Variants in WNT6 observed in about 807,000 individuals in gnomAD.
WNT6 encodes protein Wnt-6.
In WNT6, 27 loss-of-function variants were observed where a neutral mutation model predicts 33.1. That is an observed-to-expected ratio of 0.82 (90% CI 0.60 to 1.12). WNT6 has a LOEUF of 1.12. Ranked by LOEUF, WNT6 falls within the 50% of genes most tolerant of loss-of-function variation. The probability of loss-of-function intolerance (pLI) is 0.00; values close to 1 mark genes in which losing one functional copy is unlikely to be tolerated. For missense variants in WNT6, 494 were observed against 535.3 expected (o/e 0.92, Z 0.76); for synonymous variants, 249 against 242.8 (o/e 1.03, Z -0.24).
Position 218,859,897 on chromosome 2 carries a change from CCCCGCCGCCGCCGGATCCCTCGCCT to C in WNT6, c.-136_-112del. On this transcript the variant is annotated 5_prime_UTR_variant, in exon 1 of 4. The change abolishes the stop of an existing upstream ORF in the 5' untranslated region. Coordinates refer to ENST00000233948, the MANE Select transcript of WNT6 (RefSeq NM_006522.4). The stretch of plus-strand genomic sequence containing the variant: ...CGCCCTCCTCGCCCGGGATGGGCCC[CCCCGCCGCCGCCGGATCCCTCGCCT>C]CCCGGCCGCCGCCGTTGCGCTCGCC... 1 of 531,086 alleles carries C rather than the reference CCCCGCCGCCGCCGGATCCCTCGCCT, an allele frequency of 1.9e-6. No individual in the cohort carries two copies. The highest frequency in any genetic ancestry group is 2.5e-6 in the Non-Finnish European group (1 of 394,032). 32.9% of individuals were successfully genotyped at this position (531,086 alleles called of 1,614,324 possible).
chr2:218,861,563 C>T (rs1471271836), intron 1 of WNT6, among the ~76,000 whole-genome samples: 1 of 152,106 alleles, frequency 6.6e-6, no homozygotes, highest in Admixed American at 6.5e-5. Flanking sequence ...TTCTCCTGGC[C>T]AGGGTCCCCA....
rs949449019 is a variant in WNT6 at position 218,867,943 on chromosome 2, A to C, written c.81-3084A>C. On this transcript the variant is annotated intron_variant, in intron 1 of 3. Coordinates refer to ENST00000233948, the MANE Select transcript of WNT6 (RefSeq NM_006522.4). The surrounding 1 kb of genome is among the most constrained non-coding windows in gnomAD (Gnocchi z 4.9). Reference sequence around the variant, plus strand: ...TGACTTGATCAGAGTGGCTCAGCCCACACAGAGTTGACAGAAACCAGAGAT... The same window carrying C: ...TGACTTGATCAGAGTGGCTCAGCCCCCACAGAGTTGACAGAAACCAGAGAT... 6.6e-6 allele frequency among the ~76,000 whole-genome samples: 1 copy of C among 152,252 alleles called. No individual in the cohort carries two copies. The highest frequency in any genetic ancestry group is 2.4e-5 in the African/African-American group (1 of 41,470).
At chr2:218,864,947 G>C (rs1024251942) in intron 1 of WNT6, among the ~76,000 whole-genome samples, 1 of 152,174 alleles carries the variant, frequency 6.6e-6, no homozygotes, top group Non-Finnish European at 1.5e-5. Context: ...CAGGCCTCCC[G>C]CCTTGGCAGC....
chr2:218,860,503 G>C (rs889731198), intron 1 of WNT6, among the ~76,000 whole-genome samples: 4 of 152,194 alleles, frequency 2.6e-5, no homozygotes, highest in African/African-American at 9.7e-5. Context: ...ACAAGGCAGA[G>C]AGGGCCACAC....
Position 218,871,642 on chromosome 2 carries a change from AC to A in WNT6, c.464del (p.Pro155LeufsTer195). On this transcript the variant is annotated frameshift_variant, in exon 3 of 4. Transcript: ENST00000233948. LOFTEE classifies it high-confidence loss of function. This position sits in a 1 kb window ranked among gnomAD's most constrained non-coding sequence, Gnocchi z 6.4. ...CCTCCGGCCTGCCCGGCACCCCCGG[AC>A]CCCCTGGCCCCGCGGGCTCCCCGGA... ...RPSGLPGTPG[P>X]PGPAGSPEGS... 1 of 1,486,408 alleles carries A rather than the reference AC, an allele frequency of 6.7e-7. No individual in the cohort carries two copies. 92.1% of individuals were successfully genotyped at this position (1,486,408 alleles called of 1,614,324 possible). A position where few individuals can be genotyped will look rare whatever the true frequency, so the allele number is the denominator to read the frequency against.
At chr2:218,863,135 T>A (rs1249347838) in intron 1 of WNT6, among the ~76,000 whole-genome samples, 3 of 152,210 alleles carry the variant, frequency 2.0e-5, no homozygotes, top group African/African-American at 7.2e-5. Flanking sequence ...TTTGGGTTGA[T>A]GAGCTGGACC....
intron 1 of WNT6, 24 bp downstream of exon 1, chr2:218,860,141 G>C: frequency 6.6e-7 from 1 of 1,506,310 alleles, no homozygotes; most frequent in Non-Finnish European, 8.8e-7. Flanking sequence ...TCCTGGCGCG[G>C]CTCTGGACCC....
chr2:218,863,036 G>T (rs1944323152), intron 1 of WNT6, among the ~76,000 whole-genome samples: 2 of 152,086 alleles, frequency 1.3e-5, no homozygotes, highest in Non-Finnish European at 2.9e-5. Flanking sequence ...CATCTCTTTG[G>T]TCTGAGCCCA....
Position 218,873,472 on chromosome 2 carries a change from C to T in WNT6, c.725C>T (p.Pro242Leu), listed in dbSNP as rs1944423236. 6 of 1,539,024 alleles carry T rather than the reference C, an allele frequency of 3.9e-6. No individual in the cohort carries two copies. The highest frequency in any genetic ancestry group is 5.2e-6 in the Non-Finnish European group (6 of 1,146,656). Residue 242 changes from proline (P) to leucine (L), a missense_variant, in exon 4 of 4, where the codon CCA becomes CTA. Transcript: ENST00000233948. The surrounding 1 kb of genome is among the most constrained non-coding windows in gnomAD (Gnocchi z 6.1). The part of the protein sequence containing the change: ...ALRTCWQKLP[P>L]FREVGARLLE... ...CGCACCTGCTGGCAGAAGCTGCCTC[C>T]ATTTCGCGAGGTGGGCGCGCGGCTG...
Position 218,873,499 on chromosome 2 carries a change from T to C in WNT6, c.752T>C (p.Leu251Pro), listed in dbSNP as rs1256125666. 2 of 1,538,736 alleles carry C rather than the reference T, an allele frequency of 1.3e-6. No homozygotes were observed. The highest frequency in any genetic ancestry group is 2.0e-5 in the Admixed American group (1 of 50,982). The change falls in exon 4 of 4, where the codon CTG (leucine) becomes CCG (proline). Residue 251 changes from leucine to proline, a missense_variant. Leu to Pro is a moderately conservative substitution (Grantham distance 98). Transcript: ENST00000233948. This position sits in a 1 kb window ranked among gnomAD's most constrained non-coding sequence, Gnocchi z 6.1. ...PPFREVGARL[L>P]ERFHGASRVM... ...TTTCGCGAGGTGGGCGCGCGGCTGCTGGAGCGCTTCCACGGCGCCTCACGC... is the reference window on the plus strand; with the variant it reads ...TTTCGCGAGGTGGGCGCGCGGCTGCCGGAGCGCTTCCACGGCGCCTCACGC...
chr2:218,865,056 G>A (rs1346804922), intron 1 of WNT6, among the ~76,000 whole-genome samples: 8 of 152,236 alleles, frequency 5.3e-5, no homozygotes, highest in African/African-American at 1.9e-4. Flanking sequence ...GCCCACCAGA[G>A]TTCTGGCACT....
rs1575226288 is a variant in WNT6 at position 218,873,061 on chromosome 2, C to T, written c.637-323C>T. On this transcript the variant is annotated intron_variant, in intron 3 of 3. Coordinates refer to ENST00000233948, the MANE Select transcript of WNT6 (RefSeq NM_006522.4). This position sits in a 1 kb window ranked among gnomAD's most constrained non-coding sequence, Gnocchi z 6.1. ...CGACAGCTGCCACCTCTCCCCTCCT[C>T]CAAAGAGAATCTCACCCCTGCTGTC... Among the ~76,000 whole-genome samples, 1 of 152,054 alleles carries T rather than the reference C, an allele frequency of 6.6e-6. No individual in the cohort carries two copies. The highest frequency in any genetic ancestry group is 1.9e-4 in the East Asian group (1 of 5,182).
At position 218,860,013 on chromosome 2, in the gene WNT6, C is replaced by G; in HGVS notation, c.-25C>G. On this transcript the variant is annotated 5_prime_UTR_variant, in exon 1 of 4. Coordinates refer to ENST00000233948, the MANE Select transcript of WNT6 (RefSeq NM_006522.4). Reference sequence around the variant, plus strand: ...GCCCCGCAGCCTCGCCCCCTGCCCACCCGGGCGGCCGTAGGGCGGTCACGA... The same window carrying G: ...GCCCCGCAGCCTCGCCCCCTGCCCAGCCGGGCGGCCGTAGGGCGGTCACGA... 7.0e-7 allele frequency: 1 copy of G among 1,429,368 alleles called. No homozygotes were observed. Among genetic ancestry groups the G allele is most frequent in the Non-Finnish European group, 9.2e-7 (1 of 1,088,952 alleles). 88.5% of individuals were successfully genotyped at this position (1,429,368 alleles called of 1,614,324 possible).
At position 218,871,306 on chromosome 2, in the gene WNT6, A is replaced by G. The variant is rs1944398422; in HGVS notation, c.301+59A>G. Reference sequence around the variant, plus strand: ...TTTCTCCCTGCTGTGGGACCCGAGGAGAGGAGAACTGGTTCGCTGAAGTTG... The same window carrying G: ...TTTCTCCCTGCTGTGGGACCCGAGGGGAGGAGAACTGGTTCGCTGAAGTTG... On this transcript the variant is annotated intron_variant, in intron 2 of 3. Transcript: ENST00000233948. The surrounding 1 kb of genome is among the most constrained non-coding windows in gnomAD (Gnocchi z 6.4). 1.3e-6 allele frequency: 2 copies of G among 1,555,608 alleles called. No homozygotes were observed. Among genetic ancestry groups the G allele is most frequent in the Non-Finnish European group, 1.7e-6 (2 of 1,143,926 alleles).
intron 1 of WNT6, among the ~76,000 whole-genome samples, chr2:218,865,847 C>T (rs1205273326): frequency 1.3e-5 from 2 of 151,954 alleles, no homozygotes; most frequent in Non-Finnish European, 2.9e-5. Context: ...ATGCCTCCAC[C>T]TCTCCCAAGA....
rs1944366150 is a variant in WNT6 at position 218,867,939 on chromosome 2, G to GAGTTGA, written c.81-3088_81-3087insAGTTGA. Among the ~76,000 whole-genome samples, 1 of 152,226 alleles carries GAGTTGA rather than the reference G, an allele frequency of 6.6e-6. No individual in the cohort carries two copies. Among genetic ancestry groups the GAGTTGA allele is most frequent in the Non-Finnish European group, 1.5e-5 (1 of 68,046 alleles). ...GGAATGACTTGATCAGAGTGGCTCA[G>GAGTTGA]CCCACACAGAGTTGACAGAAACCAG... On this transcript the variant is annotated intron_variant, in intron 1 of 3. Coordinates refer to ENST00000233948, the MANE Select transcript of WNT6 (RefSeq NM_006522.4). This position sits in a 1 kb window ranked among gnomAD's most constrained non-coding sequence, Gnocchi z 4.9.
chr2:218,873,350 T>A lies in WNT6; in HGVS notation c.637-34T>A, dbSNP rs1481007632. On this transcript the variant is annotated intron_variant, in intron 3 of 3. Transcript: ENST00000233948. This position sits in a 1 kb window ranked among gnomAD's most constrained non-coding sequence, Gnocchi z 6.1. Reference sequence around the variant, plus strand: ...TGGGCCCTTCCCTGCACCCCCTACCTGTCCACATGCGTCCGCCCCTCTGCC... The same window carrying A: ...TGGGCCCTTCCCTGCACCCCCTACCAGTCCACATGCGTCCGCCCCTCTGCC... 18 of 1,522,582 alleles carry A rather than the reference T, an allele frequency of 1.2e-5. No homozygotes were observed. Among genetic ancestry groups the A allele is most frequent in the Admixed American group, 2.0e-5 (1 of 50,428 alleles). The allele number at this position is 1,522,582 out of a possible 1,614,324, so 94.3% of individuals were successfully genotyped here. A position where few individuals can be genotyped will look rare whatever the true frequency, so the allele number is the denominator to read the frequency against.
In WNT6 at chr2:218,867,866, C is replaced by T. The variant is rs951351131; in HGVS notation, c.81-3161C>T. Among the ~76,000 whole-genome samples, 6 of 152,148 alleles carry T rather than the reference C, an allele frequency of 3.9e-5. No homozygotes were observed. Among genetic ancestry groups the T allele is most frequent in the Non-Finnish European group, 7.3e-5 (5 of 68,028 alleles). ...TCAAAAGCCAAAGTTATAGGGGGTA[C>T]GTGAGTCTCTCATGCTAACTCCTCA... is the stretch of plus-strand genomic sequence containing the variant. On this transcript the variant is annotated intron_variant, in intron 1 of 3. Coordinates refer to ENST00000233948, the MANE Select transcript of WNT6 (RefSeq NM_006522.4). The surrounding 1 kb of genome is among the most constrained non-coding windows in gnomAD (Gnocchi z 4.9).
rs888812896 is a variant in WNT6, at chr2:218,871,897, C to T, written c.636+78C>T. On this transcript the variant is annotated intron_variant, in intron 3 of 3. Coordinates refer to ENST00000233948, the MANE Select transcript of WNT6 (RefSeq NM_006522.4). This position sits in a 1 kb window ranked among gnomAD's most constrained non-coding sequence, Gnocchi z 6.4. ...AGGAGTGTGCTTGAGGAAGTGTTGG[C>T]AGGAGTGAGGGTGTGTAGGTGGAGG... 1.7e-5 allele frequency: 23 copies of T among 1,341,150 alleles called. No individual in the cohort carries two copies. Among genetic ancestry groups the T allele is most frequent in the Admixed American group, 1.4e-4 (5 of 36,554 alleles). 83.1% of individuals were successfully genotyped at this position (1,341,150 alleles called of 1,614,324 possible).
Sources: allele counts gnomAD v4.1 joint callset (sites outside exome capture counted in the v4.1 genomes callset), GRCh38; gene constraint gnomAD v4.1.1; non-coding constraint Gnocchi (gnomAD v3.1); transcripts MANE v1.5; gene names NCBI Gene and HGNC (gene_info 2026-07-23, HGNC 2026-07-21).